CNTN1: variants seen among roughly 807,000 people sequenced by gnomAD.
The protein encoded by CNTN1 is contactin-1.
In CNTN1, 38 loss-of-function variants were observed where a neutral mutation model predicts 126.4. The observed-to-expected ratio is 0.30, with a 90% CI of 0.23 to 0.39. CNTN1 has a LOEUF of 0.39. CNTN1 is among the 10% of genes least tolerant of loss of function. The pLI, the probability that CNTN1 is intolerant of heterozygous loss-of-function variation, is 1.00. For missense variants in CNTN1, 1,009 were observed against 1,248.4 expected, an observed-to-expected ratio of 0.81 and a Z score of 2.89; for synonymous variants, 413 against 422.6, an observed-to-expected ratio of 0.98 and a Z score of 0.28.
intron 3 of CNTN1, among the ~76,000 whole-genome samples, chr12:40,913,423 G>C (rs1945115923): frequency 1.3e-5 from 2 of 152,122 alleles, no homozygotes; most frequent in Non-Finnish European, 2.9e-5. Flanking sequence ...AATAATCACT[G>C]TAACACTGTA....
At chr12:41,039,914 TCTCAA>T (rs1245748374) in intron 23 of CNTN1, among the ~76,000 whole-genome samples, 1 of 152,082 alleles carries the variant, frequency 6.6e-6, no homozygotes, top group Non-Finnish European at 1.5e-5. Context: ...AGTAACAAAC[TCTCAA>T]CTCAACTCTC....
chr12:40,834,193 G>T (rs1592138285), intron 1 of CNTN1, among the ~76,000 whole-genome samples: 2 of 152,254 alleles, frequency 1.3e-5, no homozygotes, highest in Middle Eastern at 6.8e-3. Flanking sequence ...TTTTGGTGGT[G>T]CACTCCATTA....
At chr12:40,888,946 T>G (rs756276187) in intron 1 of CNTN1, among the ~76,000 whole-genome samples, 1 of 152,238 alleles carries the variant, frequency 6.6e-6, no homozygotes, top group Non-Finnish European at 1.5e-5. Flanking sequence ...CTCCTGCCAC[T>G]CGGTTCACTC....
intron 1 of CNTN1, among the ~76,000 whole-genome samples, chr12:40,819,568 T>C (rs1361624788): frequency 6.6e-6 from 1 of 152,090 alleles, no homozygotes; most frequent in African/African-American, 2.4e-5. Flanking sequence ...GCTATGGAAA[T>C]AGGTGCCGCC....
At chr12:40,903,896 C>T (rs974621466) in intron 1 of CNTN1, among the ~76,000 whole-genome samples, 41 of 152,160 alleles carry the variant, frequency 2.7e-4, no homozygotes, top group African/African-American at 9.4e-4. Flanking sequence ...CCACATATTT[C>T]AAAATGCTTT....
At chr12:41,051,163 T>C (rs1211912622) in intron 23 of CNTN1, among the ~76,000 whole-genome samples, 3 of 150,260 alleles carry the variant, frequency 2.0e-5, no homozygotes, top group Admixed American at 1.3e-4. Context: ...TTTTTTTTTT[T>C]TTGAGACGGA....
chr12:40,896,988 T>G (rs1944434931), intron 1 of CNTN1, among the ~76,000 whole-genome samples: 1 of 152,242 alleles, frequency 6.6e-6, no homozygotes, highest in Non-Finnish European at 1.5e-5. Flanking sequence ...AGTTAATACT[T>G]AGGCTTTTAA....
intron 1 of CNTN1, among the ~76,000 whole-genome samples, chr12:40,789,105 A>G (rs1940133822): frequency 2.0e-5 from 3 of 152,148 alleles, no homozygotes; most frequent in Admixed American, 2.0e-4. Context: ...TTATTATTTC[A>G]GTGAATACTT....
intron 1 of CNTN1, among the ~76,000 whole-genome samples, chr12:40,840,570 C>G (rs570879126): frequency 6.6e-5 from 10 of 152,026 alleles, no homozygotes; most frequent in Middle Eastern, 3.4e-3. Context: ...GGAAAATTCT[C>G]CAGGATAGAT....
intron 1 of CNTN1, among the ~76,000 whole-genome samples, chr12:40,862,870 TC>T (rs1481660347): frequency 6.6e-6 from 1 of 152,212 alleles, no homozygotes; most frequent in Non-Finnish European, 1.5e-5. Flanking sequence ...CTGGTTTTTC[TC>T]CCCATTTCAT....
At chr12:41,010,464 T>G (rs35716153) in intron 17 of CNTN1, among the ~76,000 whole-genome samples, 5,871 of 152,298 alleles carry the variant, frequency 0.039, 130 homozygotes, top group Middle Eastern at 0.11. Flanking sequence ...AGTGCCTCTG[T>G]CCTTCTCTTT....
At chr12:40,880,517 G>A (rs1474345955) in intron 1 of CNTN1, among the ~76,000 whole-genome samples, 1 of 151,946 alleles carries the variant, frequency 6.6e-6, no homozygotes, top group Non-Finnish European at 1.5e-5. Context: ...AAGTGAGAAT[G>A]CTAGAAAGGA....
At chr12:40,723,851 A>G (rs1328719049) in intron 1 of CNTN1, among the ~76,000 whole-genome samples, 4 of 152,188 alleles carry the variant, frequency 2.6e-5, no homozygotes, top group Admixed American at 2.0e-4. Flanking sequence ...CTAAAAGGTA[A>G]GTGGAAGAGA....
intron 1 of CNTN1, among the ~76,000 whole-genome samples, chr12:40,872,301 C>A (rs1943530776): frequency 6.8e-6 from 1 of 146,456 alleles, no homozygotes; most frequent in Non-Finnish European, 1.5e-5. Flanking sequence ...TCATTATTTA[C>A]AAAATTAAAA....
At chr12:40,996,951 G>C (rs1345101413) in intron 17 of CNTN1, among the ~76,000 whole-genome samples, 1 of 152,182 alleles carries the variant, frequency 6.6e-6, no homozygotes, top group East Asian at 1.9e-4. Flanking sequence ...GTTCCCATTT[G>C]ATGGAAAGGT....
intron 1 of CNTN1, among the ~76,000 whole-genome samples, chr12:40,906,559 A>T (rs947466426): frequency 6.6e-6 from 1 of 151,666 alleles, no homozygotes; most frequent in Non-Finnish European, 1.5e-5. Flanking sequence ...ACATAATAGT[A>T]TGGTGCAAGC....
intron 3 of CNTN1, among the ~76,000 whole-genome samples, chr12:40,917,668 C>A (rs1945293567): frequency 6.6e-6 from 1 of 152,060 alleles, no homozygotes; most frequent in Non-Finnish European, 1.5e-5. Context: ...AATATTCGTT[C>A]TTTCTAGCCA....
At chr12:40,889,639 T>A (rs1565890428) in intron 1 of CNTN1, among the ~76,000 whole-genome samples, 1 of 152,188 alleles carries the variant, frequency 6.6e-6, no homozygotes, top group Non-Finnish European at 1.5e-5. Flanking sequence ...ATACTCATCC[T>A]TAAAGAAGGG....
intron 1 of CNTN1, among the ~76,000 whole-genome samples, chr12:40,887,715 G>A (rs1238811771): frequency 7.2e-5 from 11 of 151,878 alleles, no homozygotes; most frequent in Non-Finnish European, 1.0e-4. Context: ...ACATGCACAC[G>A]TATGTTTATT....
Sources: allele counts gnomAD v4.1 joint callset (sites outside exome capture counted in the v4.1 genomes callset), GRCh38; gene constraint gnomAD v4.1.1; transcripts MANE v1.5; gene names NCBI Gene and HGNC (gene_info 2026-07-23, HGNC 2026-07-21).